Variants in REXO1 observed in about 807,000 individuals in gnomAD.
REXO1 encodes RNA exonuclease 1 homolog.
REXO1 carries 42 observed loss-of-function variants against 102.6 expected under a neutral mutation model. The ratio of observed to expected loss-of-function variants is 0.41; its 90% CI spans 0.32 to 0.53. The LOEUF (loss-of-function observed/expected upper bound fraction) is 0.53. REXO1 is among the 20% of genes least tolerant of loss of function. The probability of loss-of-function intolerance (pLI) is 0.27; values close to 1 mark genes in which losing one functional copy is unlikely to be tolerated. For synonymous variants in REXO1, 908 were observed against 779.1 expected (o/e 1.17, Z -2.76); for missense variants, 1,819 against 1,732.5 (o/e 1.05, Z -0.89).
chr19:1,817,282 C>G lies in REXO1; in HGVS notation c.3138G>C (p.Lys1046Asn), dbSNP rs771706361. The change falls in exon 12 of 16, where the codon AAG becomes AAC. Residue 1046 changes from lysine to asparagine, a missense_variant. Coordinates refer to ENST00000170168, the MANE Select transcript of REXO1 (RefSeq NM_020695.4). ...CTCCTGAGAGCTCTTTCTCAAAGGT[C>G]TTCACGAAGCCCTCAAGGCGCTCCT... ...GRKERLEGFV[K>N]TFEKELSGDT... is the part of the protein sequence containing the mutation. 6.2e-7 allele frequency: 1 copy of G among 1,613,222 alleles called. No individual in the cohort carries two copies. The highest frequency in any genetic ancestry group is 8.5e-7 in the Non-Finnish European group (1 of 1,180,018).
intron 1 of REXO1, among the ~76,000 whole-genome samples, chr19:1,832,254 G>A (rs891156379): frequency 6.6e-6 from 1 of 152,184 alleles, no homozygotes; most frequent in African/African-American, 2.4e-5. Context: ...CCTTCGGGAG[G>A]CCCAGTCCTG....
chr19:1,834,070 G>T (rs1328615438), intron 1 of REXO1, among the ~76,000 whole-genome samples: 3 of 152,130 alleles, frequency 2.0e-5, no homozygotes, highest in Non-Finnish European at 4.4e-5. Context: ...AGGGGCTAAG[G>T]ATAAGGGACT....
Position 1,820,282 on chromosome 19 carries a change from G to A in REXO1, c.2508C>T (p.Asn836=). The A allele has an allele frequency of 6.2e-7, 1 of 1,613,626 alleles. No homozygotes were observed. The highest frequency in any genetic ancestry group is 1.1e-5 in the South Asian group (1 of 91,068). The change falls in exon 6 of 16, where the codon AAC becomes AAT. Residue 836 remains asparagine, a synonymous_variant. Coordinates refer to ENST00000170168, the MANE Select transcript of REXO1 (RefSeq NM_020695.4). ...ACCTCACCTTCTCTATGGCCTCCTG[G>A]TTGGAGGTACAGAACTTGAGACACT... ...IEECLKFCTS[N]QEAIEKALNE...
At chr19:1,839,599 G>A (rs923270372) in intron 1 of REXO1, among the ~76,000 whole-genome samples, 2 of 152,242 alleles carry the variant, frequency 1.3e-5, no homozygotes, top group Admixed American at 6.5e-5. Context: ...ACGGGGTGCT[G>A]GCTGGCAATG....
rs1441004799 is a variant in REXO1, at chr19:1,827,795, C to A, written c.994G>T (p.Gly332Cys). ...PSKEGLEAEG[G>C]GLRETKETAV... Reference sequence around the variant, plus strand: ...GTCTCCTTGGTCTCCCGCAGGCCGCCCCCCTCGGCCTCCAGGCCCTCTTTG... The same window carrying A: ...GTCTCCTTGGTCTCCCGCAGGCCGCACCCCTCGGCCTCCAGGCCCTCTTTG... Residue 332 changes from glycine to cysteine, a missense_variant, in exon 2 of 16, where the codon GGC becomes TGC. Gly to Cys is a radical substitution (Grantham distance 159). Coordinates refer to ENST00000170168, the MANE Select transcript of REXO1 (RefSeq NM_020695.4). 15 of 1,594,808 alleles carry A rather than the reference C, an allele frequency of 9.4e-6. No homozygotes were observed. In the East Asian group the frequency reaches 1.8e-4, roughly 19 times the overall value.
intron 1 of REXO1, among the ~76,000 whole-genome samples, chr19:1,840,041 G>A (rs1436902790): frequency 1.3e-5 from 2 of 152,192 alleles, no homozygotes; most frequent in Admixed American, 1.3e-4. Flanking sequence ...AATGGACTGT[G>A]ACCCGTGACC....
intron 3 of REXO1, chr19:1,824,090 C>G (rs781651628): frequency 1.9e-5 from 6 of 318,764 alleles, no homozygotes; most frequent in African/African-American, 1.3e-4. Context: ...AATCCCACTA[C>G]GCCTAATCTT....
At chr19:1,841,213 T>TA (rs1568717680) in intron 1 of REXO1, among the ~76,000 whole-genome samples, 1 of 152,088 alleles carries the variant, frequency 6.6e-6, no homozygotes, top group East Asian at 1.9e-4. Context: ...CTACCCTGTT[T>TA]ATTTTCTTTT....
In REXO1 at chr19:1,827,338, C is replaced by T; in HGVS notation, c.1451G>A (p.Ser484Asn). Reference sequence around the variant, plus strand: ...TAGCTTCCCCGACGGGGCCTTGGTGCTCTTCCTGTCGGGCAGCTGGAGGGG... The same window carrying T: ...TAGCTTCCCCGACGGGGCCTTGGTGTTCTTCCTGTCGGGCAGCTGGAGGGG... ...PRPLQLPDRK[S>N]TKAPSGKLVE... The change falls in exon 2 of 16, where the codon AGC becomes AAC. Residue 484 changes from serine to asparagine, a missense_variant. Ser to Asn is a conservative substitution (Grantham distance 46). Transcript: ENST00000170168. 4.5e-6 allele frequency: 7 copies of T among 1,553,060 alleles called. No homozygotes were observed. The highest frequency in any genetic ancestry group is 6.1e-6 in the Non-Finnish European group (7 of 1,153,722).
Position 1,827,120 on chromosome 19 carries a change from T to TGGAGTCTGAGTC in REXO1, c.1657_1668dup (p.Asp553_Ser556dup). On this transcript the variant is annotated inframe_insertion, in exon 2 of 16. Transcript: ENST00000170168. ...CCCTGCGCCTCCGGGAAGCCCAGGC[T>TGGAGTCTGAGTC]GGAGTCTGAGTCGGAGTCTGAGTCC... 1 of 1,542,240 alleles carries TGGAGTCTGAGTC rather than the reference T, an allele frequency of 6.5e-7. No individual in the cohort carries two copies. Among genetic ancestry groups the TGGAGTCTGAGTC allele is most frequent in the Non-Finnish European group, 8.7e-7 (1 of 1,146,010 alleles).
At chr19:1,845,892 C>T (rs1217506298) in intron 1 of REXO1, among the ~76,000 whole-genome samples, 1 of 152,138 alleles carries the variant, frequency 6.6e-6, no homozygotes, top group Non-Finnish European at 1.5e-5. Flanking sequence ...CTCCCAGAGG[C>T]CCTGGAGGCT....
chr19:1,818,620 G>A, intron 9 of REXO1, 25 bp from the exon 10 acceptor site: 1 of 1,607,654 alleles, frequency 6.2e-7, no homozygotes, highest in Non-Finnish European at 8.5e-7. Context: ...CCAGGTGGAA[G>A]CTGAGGCTCA....
Position 1,817,324 on chromosome 19 carries a change from G to A in REXO1, c.3096C>T (p.His1032=), listed in dbSNP as rs141773521. Residue 1032 remains histidine (H), a synonymous_variant, in exon 12 of 16, where the codon CAC becomes CAT. Transcript: ENST00000170168. The part of the protein sequence containing the change: ...GSVGCQVAKQ[H]VQDGRKERLE... ...GGCGCTCCTTCCGGCCATCCTGCACGTGTTGCTGGGGGTGGAGAAGGCAGG... is the reference window on the plus strand; with the variant it reads ...GGCGCTCCTTCCGGCCATCCTGCACATGTTGCTGGGGGTGGAGAAGGCAGG... The A allele has an allele frequency of 1.3e-5, 21 of 1,612,336 alleles. No homozygotes were observed. The highest frequency in any genetic ancestry group is 1.7e-5 in the Admixed American group (1 of 59,998).
rs554874429 is a variant in REXO1, at chr19:1,845,558, G to A, written c.157+2644C>T. 4.0e-4 allele frequency among the ~76,000 whole-genome samples: 61 copies of A among 152,350 alleles called. 1 individual carries two copies. In the South Asian group the frequency reaches 0.012, roughly 31 times the overall value. ...ACATGCCTGTGGTCTCAGCTAGTCA[G>A]GAGGCTGAGCCAGGTGGATCCCTTG... On this transcript the variant is annotated intron_variant, in intron 1 of 15. Transcript: ENST00000170168.
intron 4 of REXO1, 51 bp downstream of exon 4, chr19:1,823,520 CT>C (rs1340009282): frequency 8.9e-6 from 11 of 1,234,112 alleles, no homozygotes; most frequent in Non-Finnish European, 1.0e-5. Context: ...GCCACCTCTC[CT>C]GCCCACATGC....
At position 1,815,852 on chromosome 19, in the gene REXO1, G is replaced by T. The variant is rs767939549; in HGVS notation, c.*214C>A. 1.3e-6 allele frequency: 2 copies of T among 1,522,530 alleles called. No individual in the cohort carries two copies. Among genetic ancestry groups the T allele is most frequent in the Non-Finnish European group, 8.8e-7 (1 of 1,138,548 alleles). The allele number at this position is 1,522,530 out of a possible 1,614,324, so 94.3% of individuals were successfully genotyped here. On this transcript the variant is annotated 3_prime_UTR_variant, in exon 16 of 16. Coordinates refer to ENST00000170168, the MANE Select transcript of REXO1 (RefSeq NM_020695.4). The surrounding 1 kb of genome is among the most constrained non-coding windows in gnomAD (Gnocchi z 4.0). ...AGTTTCTAGAGACGCCAGAGGGCTGGGGGGCAGAGGGTGGGGACCGGCGGA... is the reference window on the plus strand; with the variant it reads ...AGTTTCTAGAGACGCCAGAGGGCTGTGGGGCAGAGGGTGGGGACCGGCGGA...
Position 1,827,432 on chromosome 19 carries a change from G to A in REXO1, c.1357C>T (p.Arg453Trp), listed in dbSNP as rs200225027. 6.8e-5 allele frequency: 106 copies of A among 1,552,658 alleles called. No individual in the cohort carries two copies. Among genetic ancestry groups the A allele is most frequent in the East Asian group, 2.0e-4 (9 of 43,960 alleles). The change falls in exon 2 of 16, where the codon CGG (arginine) becomes TGG (tryptophan). Residue 453 changes from arginine to tryptophan, a missense_variant. By Grantham distance (101) the Arg-to-Trp change is moderately radical. Transcript: ENST00000170168. The stretch of plus-strand genomic sequence containing the variant: ...GTGGGGCTCGGCCGCCGCGCTGGCC[G>A]GTCAGGCCTCCCTTTCCCTGAGGTG... Reference protein sequence around the residue: ...VATSGKGRPDRPARRPSPTSG... With the variant: ...VATSGKGRPDWPARRPSPTSG...
In REXO1 at chr19:1,815,299, G is replaced by C. The variant is rs556256818; in HGVS notation, c.*767C>G. ...TCCCTGCCTGGAGGTGAGGGGGAAG[G>C]GGGTCCGGAGAGCCCCGCAGAGGAG... On this transcript the variant is annotated 3_prime_UTR_variant, in exon 16 of 16. Transcript: ENST00000170168. The surrounding 1 kb of genome is among the most constrained non-coding windows in gnomAD (Gnocchi z 4.0). The C allele has an allele frequency of 6.5e-6, 1 of 153,380 alleles. No individual in the cohort carries two copies. The highest frequency in any genetic ancestry group is 1.9e-4 in the East Asian group (1 of 5,194). The allele number at this position is 153,380 out of a possible 1,614,324, so 9.5% of individuals were successfully genotyped here. A position where few individuals can be genotyped will look rare whatever the true frequency, so the allele number is the denominator to read the frequency against.
chr19:1,839,689 C>G (rs1441864588), intron 1 of REXO1, among the ~76,000 whole-genome samples: 2 of 152,266 alleles, frequency 1.3e-5, no homozygotes, highest in Admixed American at 1.3e-4. Flanking sequence ...AGAGGGCACG[C>G]AGCCTGCAGG....
Sources: allele counts gnomAD v4.1 joint callset (sites outside exome capture counted in the v4.1 genomes callset), GRCh38; gene constraint gnomAD v4.1.1; non-coding constraint Gnocchi (gnomAD v3.1); transcripts MANE v1.5; gene names NCBI Gene and HGNC (gene_info 2026-07-23, HGNC 2026-07-21).